The following BACH1 variants were observed in gnomAD, a reference collection of about 807,000 sequenced individuals.
The protein encoded by BACH1 is BTB domain and CNC homolog 1.
In BACH1, 35 loss-of-function variants were observed where a neutral mutation model predicts 52.9. The observed-to-expected ratio is 0.66, with a 90% CI of 0.51 to 0.88. BACH1 has a LOEUF of 0.88. Among genes scored for constraint, BACH1 ranks in the 40% least tolerant of loss-of-function variants. BACH1 has a pLI of 0.00. For synonymous variants in BACH1, 321 were observed against 319.6 expected (o/e 1.00, Z -0.05); for missense variants, 808 against 872.6 (o/e 0.93, Z 0.93).
Position 29,343,063 on chromosome 21 carries a change from A to G in BACH1, c.*230A>G. The stretch of plus-strand genomic sequence containing the variant: ...AAAAATCCATGTGAAAATGTAGTAA[A>G]CCTTTAAAACTCATGTTTTAAAGAA... On this transcript the variant is annotated 3_prime_UTR_variant, in exon 5 of 5. Coordinates refer to ENST00000286800, the MANE Select transcript of BACH1 (RefSeq NM_001186.4). 1 of 400,718 alleles carries G rather than the reference A, an allele frequency of 2.5e-6. No individual in the cohort carries two copies. Among genetic ancestry groups the G allele is most frequent in the Non-Finnish European group, 4.4e-6 (1 of 224,798 alleles). The allele number at this position is 400,718 out of a possible 1,614,324, so 24.8% of individuals were successfully genotyped here.
At position 29,342,703 on chromosome 21, in the gene BACH1, G is replaced by A. The variant is rs377002114; in HGVS notation, c.2081G>A (p.Arg694Gln). The A allele has an allele frequency of 3.1e-5, 50 of 1,614,204 alleles. No individual in the cohort carries two copies. Among genetic ancestry groups the A allele is most frequent in the East Asian group, 1.3e-4 (6 of 44,880 alleles). The change falls in exon 5 of 5, where the codon CGA becomes CAA. Residue 694 changes from arginine to glutamine, a missense_variant. Transcript: ENST00000286800. ...GGAAACAGTGAGCCTGGCTACGCGC[G>A]AGGGCAGGAGTCCCAGCAGATGTCC... The part of the protein sequence containing the change: ...ARGNSEPGYA[R>Q]GQESQQMSTA...
chr21:29,354,237 A>G (rs2089219991), intron 2 of BACH1, among the ~76,000 whole-genome samples: 1 of 152,178 alleles, frequency 6.6e-6, no homozygotes, highest in Non-Finnish European at 1.5e-5. Context: ...TGAGGGCTCC[A>G]GGTTGGAGGA....
chr21:29,326,613 C>T lies in BACH1; in HGVS notation c.789C>T (p.Cys263=). Residue 263 remains cysteine, a synonymous_variant, in exon 3 of 5, where the codon TGC becomes TGT. Coordinates refer to ENST00000286800, the MANE Select transcript of BACH1 (RefSeq NM_001186.4). ...CAAATGAAAGGTCTGAAAATGAATG[C>T]CTGGGAGGAGTCCCGGAGTGTAGAG... The part of the protein sequence containing the change: ...VQPNERSENE[C]LGGVPECRDL... 1 of 1,614,154 alleles carries T rather than the reference C, an allele frequency of 6.2e-7. No homozygotes were observed. Among genetic ancestry groups the T allele is most frequent in the Non-Finnish European group, 8.5e-7 (1 of 1,180,028 alleles).
At chr21:29,324,231 CAAA>C (rs35915821) in intron 2 of BACH1, among the ~76,000 whole-genome samples, 4 of 63,160 alleles carry the variant, frequency 6.3e-5, no homozygotes, top group Admixed American at 1.9e-4. Flanking sequence ...GACTCTGCCT[CAAA>C]AAAAAAAAAA....
intron 1 of BACH1, among the ~76,000 whole-genome samples, chr21:29,315,495 C>G (rs1312391269): frequency 2.6e-5 from 4 of 152,134 alleles, no homozygotes; most frequent in African/African-American, 9.7e-5. Flanking sequence ...CAAATAGCCA[C>G]TAGAAATGCG....
At position 29,332,170 on chromosome 21, in the gene BACH1, G is replaced by A. The variant is rs563486168; in HGVS notation, c.1776+2477G>A. 1.8e-3 allele frequency among the ~76,000 whole-genome samples: 273 copies of A among 152,202 alleles called. 1 individual carries two copies. Among genetic ancestry groups the A allele is most frequent in the African/African-American group, 6.1e-3 (252 of 41,526 alleles). The stretch of plus-strand genomic sequence containing the variant: ...AGGATGGTCTCGATCTCCTGACCTC[G>A]TGATCCGCCCGCCTCAGCCTTCCAA... On this transcript the variant is annotated intron_variant, in intron 4 of 4. Transcript: ENST00000286800.
chr21:29,353,146 C>T (rs1440394259), intron 2 of BACH1, among the ~76,000 whole-genome samples: 3 of 152,110 alleles, frequency 2.0e-5, no homozygotes, highest in African/African-American at 4.8e-5. Context: ...CGTGCCTGGC[C>T]GGTTACAGTT....
At chr21:29,333,670 G>T (rs1012408601) in intron 4 of BACH1, among the ~76,000 whole-genome samples, 8 of 152,114 alleles carry the variant, frequency 5.3e-5, no homozygotes, top group Non-Finnish European at 8.8e-5. Context: ...GGAACTTTTT[G>T]CAGTTCGTCC....
downstream of BACH1, among the ~76,000 whole-genome samples, chr21:29,348,427 T>C (rs987493843): frequency 1.3e-5 from 2 of 151,986 alleles, no homozygotes; most frequent in East Asian, 3.9e-4. Flanking sequence ...CAGTACCTAG[T>C]GCTGCCAGAG....
chr21:29,360,141 A>G (rs2089262575), intron 2 of BACH1, among the ~76,000 whole-genome samples: 1 of 152,168 alleles, frequency 6.6e-6, no homozygotes, highest in African/African-American at 2.4e-5. Flanking sequence ...TCTTATGCAT[A>G]TTGATTGAGG....
intron 2 of BACH1, among the ~76,000 whole-genome samples, chr21:29,354,327 A>T (rs2089220789): frequency 6.6e-6 from 1 of 152,140 alleles, no homozygotes; most frequent in Non-Finnish European, 1.5e-5. Context: ...CATTTATCTT[A>T]AGGACAATGG....
intron 2 of BACH1, chr21:29,352,752 C>G (rs950405413): frequency 2.0e-5 from 3 of 151,394 alleles, no homozygotes; most frequent in South Asian, 4.2e-4. Flanking sequence ...TGCTCTGTTG[C>G]CCAGGCTAGA....
At chr21:29,331,747 T>A (rs1305912699) in intron 4 of BACH1, among the ~76,000 whole-genome samples, 1 of 152,198 alleles carries the variant, frequency 6.6e-6, no homozygotes, top group East Asian at 1.9e-4. Context: ...TACTAGTTCC[T>A]ACTTTATAGA....
At chr21:29,356,743 GGAGTGTTA>G (rs2089237005) in intron 2 of BACH1, among the ~76,000 whole-genome samples, 1 of 152,250 alleles carries the variant, frequency 6.6e-6, no homozygotes, top group African/African-American at 2.4e-5. Flanking sequence ...AGGTGATATT[GGAGTGTTA>G]CAGGGTTACA....
At position 29,344,704 on chromosome 21, in the gene BACH1, G is replaced by C. The variant is rs2089151669; in HGVS notation, c.*1871G>C. On this transcript the variant is annotated 3_prime_UTR_variant, in exon 5 of 5. Coordinates refer to ENST00000286800, the MANE Select transcript of BACH1 (RefSeq NM_001186.4). ...TATACATATATATCTCTCCATATAG[G>C]TATTTCTTTGATACTTGTAATTTTA... 6.6e-6 allele frequency: 1 copy of C among 151,638 alleles called. No individual in the cohort carries two copies. The highest frequency in any genetic ancestry group is 2.1e-4 in the South Asian group (1 of 4,802). The allele number at this position is 151,638 out of a possible 1,614,324, so 9.4% of individuals were successfully genotyped here.
At chr21:29,360,443 A>G (rs2089264487) in intron 2 of BACH1, among the ~76,000 whole-genome samples, 1 of 151,788 alleles carries the variant, frequency 6.6e-6, no homozygotes, top group South Asian at 2.1e-4. Flanking sequence ...TCCCTCCCCA[A>G]CCCTCTGGCC....
At chr21:29,300,346 A>G (rs1002413110) in intron 1 of BACH1, among the ~76,000 whole-genome samples, 3 of 152,234 alleles carry the variant, frequency 2.0e-5, no homozygotes, top group African/African-American at 7.2e-5. Context: ...TTGAGAGGTA[A>G]TTAGAAACAG....
intron 1 of BACH1, among the ~76,000 whole-genome samples, chr21:29,313,793 C>T (rs2088755769): frequency 6.6e-6 from 1 of 152,038 alleles, no homozygotes; most frequent in African/African-American, 2.4e-5. Context: ...TTATTGGTTA[C>T]CTGGAATCAG....
chr21:29,316,166 A>G (rs2088784093), intron 1 of BACH1, among the ~76,000 whole-genome samples: 1 of 152,200 alleles, frequency 6.6e-6, no homozygotes, highest in Non-Finnish European at 1.5e-5. Context: ...TTCCATGATC[A>G]CATGTTCACC....
Sources: allele counts gnomAD v4.1 joint callset (sites outside exome capture counted in the v4.1 genomes callset), GRCh38; gene constraint gnomAD v4.1.1; transcripts MANE v1.5; gene names NCBI Gene and HGNC (gene_info 2026-07-23, HGNC 2026-07-21).